Variants in TMEM38B observed in about 807,000 individuals in gnomAD.
TMEM38B encodes the protein trimeric intracellular cation channel type B.
A neutral mutation model predicts 28.7 loss-of-function variants in TMEM38B; 24 were observed. That is an observed-to-expected ratio of 0.84 (90% confidence interval 0.61 to 1.18). The LOEUF (loss-of-function observed/expected upper bound fraction) is 1.18. Among genes scored for constraint, TMEM38B ranks in the 50% most tolerant of loss-of-function variants. The probability of loss-of-function intolerance (pLI) is 0.00; values close to 1 mark genes in which losing one functional copy is unlikely to be tolerated. For missense variants in TMEM38B, 380 were observed against 350.9 expected (o/e 1.08, Z -0.66); for synonymous variants, 131 against 127.7 (o/e 1.03, Z -0.17).
At chr9:105,771,329 A>G (rs1039748831) in intron 5 of TMEM38B, among the ~76,000 whole-genome samples, 1 of 152,176 alleles carries the variant, frequency 6.6e-6, no homozygotes, top group African/African-American at 2.4e-5. Flanking sequence ...TGAATTCACA[A>G]AATTTTGTCC....
intron 4 of TMEM38B, among the ~76,000 whole-genome samples, chr9:105,745,272 C>T (rs1318379364): frequency 3.9e-5 from 6 of 152,142 alleles, no homozygotes; most frequent in Non-Finnish European, 7.4e-5. Context: ...TTTTAATGAT[C>T]ACCATTCTAA....
intron 2 of TMEM38B, among the ~76,000 whole-genome samples, chr9:105,707,592 A>G (rs1334346207): frequency 6.6e-6 from 1 of 152,166 alleles, no homozygotes; most frequent in Non-Finnish European, 1.5e-5. Flanking sequence ...AATCCTGGGA[A>G]CCTATGGCAA....
At chr9:105,718,969 A>T (rs1392704833) in intron 2 of TMEM38B, among the ~76,000 whole-genome samples, 2 of 152,218 alleles carry the variant, frequency 1.3e-5, no homozygotes, top group East Asian at 3.8e-4. Context: ...GAGCAAGAAC[A>T]AAGCTGTCAT....
chr9:105,742,866 T>C (rs1259317070), intron 4 of TMEM38B, among the ~76,000 whole-genome samples: 5 of 152,266 alleles, frequency 3.3e-5, no homozygotes, highest in Non-Finnish European at 4.4e-5. Flanking sequence ...GTGTACATTT[T>C]ATAATACAGT....
chr9:105,696,535 A>T (rs187085457), intron 1 of TMEM38B, among the ~76,000 whole-genome samples: 1 of 152,318 alleles, frequency 6.6e-6, no homozygotes, highest in East Asian at 1.9e-4. Context: ...CATTTAATAC[A>T]TTTACTTTTT....
chr9:105,709,951 T>A, intron 2 of TMEM38B, among the ~76,000 whole-genome samples: 1 of 152,220 alleles, frequency 6.6e-6, no homozygotes, highest in Admixed American at 6.5e-5. Flanking sequence ...ACATCCTAGT[T>A]TCCAATAATT....
At chr9:105,747,311 G>A (rs202179691) in intron 4 of TMEM38B, among the ~76,000 whole-genome samples, 5,063 of 119,156 alleles carry the variant, frequency 0.042, no homozygotes, top group Non-Finnish European at 0.051. Context: ...TTGGGAGAGT[G>A]TATGTGTCGA....
chr9:105,727,693 C>G (rs1836565057), intron 4 of TMEM38B, among the ~76,000 whole-genome samples: 1 of 152,122 alleles, frequency 6.6e-6, no homozygotes, highest in African/African-American at 2.4e-5. Context: ...TTTATCCATT[C>G]ATCTGTTGAT....
intron 4 of TMEM38B, among the ~76,000 whole-genome samples, chr9:105,737,436 A>G (rs1274665816): frequency 1.3e-5 from 2 of 152,128 alleles, no homozygotes; most frequent in African/African-American, 4.8e-5. Flanking sequence ...GGCTGGTAGT[A>G]TATGGCAGAG....
chr9:105,745,619 T>C (rs1350243843), intron 4 of TMEM38B, among the ~76,000 whole-genome samples: 1 of 152,184 alleles, frequency 6.6e-6, no homozygotes, highest in Non-Finnish European at 1.5e-5. Context: ...ATTTTGACTT[T>C]TGTTGCCATT....
chr9:105,726,815 G>T (rs539241430), intron 4 of TMEM38B, among the ~76,000 whole-genome samples: 14 of 151,838 alleles, frequency 9.2e-5, no homozygotes, highest in Non-Finnish European at 1.9e-4. Flanking sequence ...TATTGATATG[G>T]TTGCATTTAG....
chr9:105,758,647 C>A (rs1265159874), intron 5 of TMEM38B: 1 of 800,850 alleles, frequency 1.2e-6, no homozygotes, highest in Non-Finnish European at 2.2e-6. Context: ...AGATTTCCTG[C>A]AACTTAGCCA....
At chr9:105,733,704 T>C (rs752759272) in intron 4 of TMEM38B, among the ~76,000 whole-genome samples, 1 of 151,990 alleles carries the variant, frequency 6.6e-6, no homozygotes, top group Non-Finnish European at 1.5e-5. Context: ...TGGTTGGTTA[T>C]TTTTTTAAGG....
At chr9:105,744,592 A>AT (rs1837321141) in intron 4 of TMEM38B, among the ~76,000 whole-genome samples, 1 of 150,670 alleles carries the variant, frequency 6.6e-6, no homozygotes, top group Admixed American at 6.6e-5. Context: ...TTTTATTTTT[A>AT]TTTTTTATTT....
At chr9:105,747,044 G>T (rs893633101) in intron 4 of TMEM38B, among the ~76,000 whole-genome samples, 15 of 152,016 alleles carry the variant, frequency 9.9e-5, no homozygotes, top group South Asian at 8.3e-4. Flanking sequence ...TCTCTTTTTT[G>T]GTTGTGTCTC....
intron 2 of TMEM38B, among the ~76,000 whole-genome samples, chr9:105,721,112 T>C (rs537555424): frequency 2.0e-5 from 3 of 152,276 alleles, no homozygotes; most frequent in African/African-American, 7.2e-5. Flanking sequence ...AATGTAGCCC[T>C]TGCTTTTACC....
intron 1 of TMEM38B, chr9:105,702,635 CTT>C (rs1436652367): frequency 1.3e-5 from 2 of 151,920 alleles, no homozygotes; most frequent in African/African-American, 4.8e-5. Flanking sequence ...TACAGTGTGA[CTT>C]TATTTTTCTT....
At chr9:105,766,287 T>G (rs900701425) in intron 5 of TMEM38B, among the ~76,000 whole-genome samples, 1 of 152,228 alleles carries the variant, frequency 6.6e-6, no homozygotes, top group Non-Finnish European at 1.5e-5. Context: ...GTATTATCAG[T>G]CATTTTAATT....
At chr9:105,729,933 C>T (rs1836667766) in intron 4 of TMEM38B, among the ~76,000 whole-genome samples, 1 of 152,064 alleles carries the variant, frequency 6.6e-6, no homozygotes, top group South Asian at 2.1e-4. Flanking sequence ...ATTTTGTATC[C>T]TGAAAATTTG....
Sources: allele counts gnomAD v4.1 joint callset (sites outside exome capture counted in the v4.1 genomes callset), GRCh38; gene constraint gnomAD v4.1.1; transcripts MANE v1.5; gene names NCBI Gene and HGNC (gene_info 2026-07-23, HGNC 2026-07-21).